Variants in UBR1 observed in about 807,000 individuals in gnomAD.
UBR1 encodes ubiquitin protein ligase E3 component n-recognin 1.
In UBR1, 102 loss-of-function variants were observed where a neutral mutation model predicts 242.1. That is an observed-to-expected ratio of 0.42 (90% CI 0.36 to 0.50). The LOEUF is 0.50. UBR1 is among the 20% of genes least tolerant of loss of function. The pLI, the probability that UBR1 is intolerant of heterozygous loss-of-function variation, is 0.01. For missense variants in UBR1, 1,772 were observed against 2,101.8 expected, an observed-to-expected ratio of 0.84 and a Z score of 3.07; for synonymous variants, 675 against 684.8, an observed-to-expected ratio of 0.99 and a Z score of 0.22.
At position 42,960,717 on chromosome 15, in the gene UBR1, A is replaced by G. The variant is rs1377619846; in HGVS notation, c.4701-16T>C. The G allele has an allele frequency of 1.2e-6, 2 of 1,613,488 alleles. No homozygotes were observed. The highest frequency in any genetic ancestry group is 1.7e-6 in the Non-Finnish European group (2 of 1,179,518). On this transcript the variant is annotated splice_polypyrimidine_tract_variant and intron_variant, in intron 42 of 46. Transcript: ENST00000290650. ...TGCACACCACCTGTATGTGGAGCCAAGAGAAAAGACAAATGGATTATCACA... is the reference window on the plus strand; with the variant it reads ...TGCACACCACCTGTATGTGGAGCCAGGAGAAAAGACAAATGGATTATCACA...
chr15:43,077,797 T>C (rs1007457394), intron 3 of UBR1, among the ~76,000 whole-genome samples: 3 of 152,126 alleles, frequency 2.0e-5, no homozygotes, highest in Non-Finnish European at 4.4e-5. Context: ...AACTTTATCC[T>C]TTCAGTGTTG....
At chr15:42,986,837 C>T (rs997174681) in intron 35 of UBR1, among the ~76,000 whole-genome samples, 1 of 152,212 alleles carries the variant, frequency 6.6e-6, no homozygotes, top group African/African-American at 2.4e-5. Flanking sequence ...GGACCATGGG[C>T]CAGCAAAGGG....
chr15:43,059,588 CAAAA>C (rs36021315), intron 8 of UBR1, 110 bp downstream of exon 8: 1,309 of 1,008,164 alleles, frequency 1.3e-3, no homozygotes, highest in Admixed American at 1.6e-3. Context: ...GTGTATAAAC[CAAAA>C]AAAAAAAAAA....
intron 11 of UBR1, among the ~76,000 whole-genome samples, chr15:43,055,389 G>A (rs2033604624): frequency 6.6e-6 from 1 of 151,984 alleles, no homozygotes; most frequent in African/African-American, 2.4e-5. Context: ...GTTGCAGTGA[G>A]CCGAGATCGT....
At chr15:42,946,009 G>A (rs1023086533) in intron 46 of UBR1, among the ~76,000 whole-genome samples, 12 of 152,336 alleles carry the variant, frequency 7.9e-5, no homozygotes, top group African/African-American at 2.6e-4. Context: ...TTTTAACACT[G>A]TATAACAGCT....
rs373918433 is a variant in UBR1, at chr15:43,048,682, C to T, written c.1440-191G>A. On this transcript the variant is annotated intron_variant, in intron 12 of 46. Coordinates refer to ENST00000290650, the MANE Select transcript of UBR1 (RefSeq NM_174916.3). ...AAATACAACCAGTAAAACATGAATG[C>T]TCTAGAAGAGGCAGATATCAAGCTA... 3.3e-5 allele frequency among the ~76,000 whole-genome samples: 5 copies of T among 152,242 alleles called. No individual in the cohort carries two copies. The East Asian group carries it at 9.6e-4, about 29-fold the overall frequency.
chr15:42,954,540 C>T (rs1030882394), intron 44 of UBR1, among the ~76,000 whole-genome samples: 2 of 152,034 alleles, frequency 1.3e-5, no homozygotes, highest in Non-Finnish European at 2.9e-5. Context: ...ATTCTCAGAG[C>T]GAGTCAAAGA....
chr15:43,006,106 G>GAAAAAAAAAAAAAAAAA (rs1235960946), intron 30 of UBR1, among the ~76,000 whole-genome samples: 1 of 111,472 alleles, frequency 9.0e-6, no homozygotes, highest in Non-Finnish European at 1.9e-5. Context: ...AAAAAAAAAA[G>GAAAAAAAAAAAAAAAAA]AAAAAAAAAA....
rs572528769 is a variant in UBR1, at chr15:43,013,232, T to G, written c.3209+2456A>C. Among the ~76,000 whole-genome samples the G allele has an allele frequency of 2.0e-5, 3 of 152,298 alleles. No individual in the cohort carries two copies. In the East Asian group the frequency reaches 5.8e-4, roughly 29 times the overall value. On this transcript the variant is annotated intron_variant, in intron 29 of 46. Coordinates refer to ENST00000290650, the MANE Select transcript of UBR1 (RefSeq NM_174916.3). ...CAACACATATTGTTTTAAACAGCAG[T>G]GAAAGCTTGTCTTTAAAAAGGGCCA...
chr15:43,049,096 G>A (rs2033521083), intron 12 of UBR1, among the ~76,000 whole-genome samples: 1 of 152,158 alleles, frequency 6.6e-6, no homozygotes, highest in Non-Finnish European at 1.5e-5. Flanking sequence ...GAGTTATCAG[G>A]AAGTAATTAT....
chr15:43,060,310 C>A (rs949426610), intron 6 of UBR1, among the ~76,000 whole-genome samples, 196 bp from the exon 7 acceptor site: 2 of 152,116 alleles, frequency 1.3e-5, no homozygotes, highest in African/African-American at 4.8e-5. Context: ...AACTTTAATA[C>A]CTCTAGGACA....
intron 4 of UBR1, among the ~76,000 whole-genome samples, 160 bp downstream of exon 4, chr15:43,074,819 C>T (rs756296538): frequency 6.6e-6 from 1 of 152,230 alleles, no homozygotes; most frequent in African/African-American, 2.4e-5. Context: ...ATTATCAAAT[C>T]CTTAGTTTCT....
Position 43,024,866 on chromosome 15 carries a change from G to T in UBR1, c.2702C>A (p.Thr901Lys). 2 of 1,614,148 alleles carry T rather than the reference G, an allele frequency of 1.2e-6. No homozygotes were observed. The highest frequency in any genetic ancestry group is 2.2e-5 in the South Asian group (2 of 91,084). Residue 901 changes from threonine to lysine, a missense_variant, in exon 25 of 47, where the codon ACA becomes AAA. This residue lies in a region of UBR1 where 965 missense variants were observed against 1,079.7 expected (regional missense o/e 0.89). Transcript: ENST00000290650. ...LRTVFERAIDTDSNLWTEGML... is the reference protein window; with the variant it reads ...LRTVFERAIDKDSNLWTEGML... ...CCCTTCGGTCCACAAGTTAGAATCT[G>T]TGTCTATTGCCCGCTCAAATACGGT...
Position 42,945,225 on chromosome 15 carries a change from A to G in UBR1, c.*104T>C. On this transcript the variant is annotated 3_prime_UTR_variant, in exon 47 of 47. Transcript: ENST00000290650. Reference sequence around the variant, plus strand: ...TGTAAGTGAACCTGGACATGGAGCAAAAGACCCTCCAATACTTTCCCAGCC... The same window carrying G: ...TGTAAGTGAACCTGGACATGGAGCAGAAGACCCTCCAATACTTTCCCAGCC... 6.6e-7 allele frequency: 1 copy of G among 1,515,648 alleles called. No homozygotes were observed. The highest frequency in any genetic ancestry group is 9.1e-7 in the Non-Finnish European group (1 of 1,100,346). 93.9% of individuals were successfully genotyped at this position (1,515,648 alleles called of 1,614,324 possible).
intron 19 of UBR1, among the ~76,000 whole-genome samples, chr15:43,033,340 G>A (rs990327639): frequency 1.6e-4 from 25 of 151,884 alleles, no homozygotes; most frequent in African/African-American, 5.8e-4. Context: ...GTGAAATCTC[G>A]TCTCCACTAA....
intron 19 of UBR1, among the ~76,000 whole-genome samples, chr15:43,033,534 G>A (rs143066208): frequency 1.3e-5 from 2 of 152,126 alleles, no homozygotes; most frequent in Non-Finnish European, 2.9e-5. Context: ...ATCCCAGCAC[G>A]CCTGTAATCC....
chr15:42,984,573 T>C (rs980092337), intron 36 of UBR1, among the ~76,000 whole-genome samples: 8 of 152,164 alleles, frequency 5.3e-5, no homozygotes, highest in African/African-American at 1.9e-4. Flanking sequence ...TGTTATATAA[T>C]GGTGTAAAAT....
At chr15:42,951,047 G>A (rs1401617927) in intron 45 of UBR1, among the ~76,000 whole-genome samples, 1 of 151,976 alleles carries the variant, frequency 6.6e-6, no homozygotes, top group Non-Finnish European at 1.5e-5. Flanking sequence ...CTTTCCCCTT[G>A]GTTCAAAAGA....
At chr15:43,052,110 G>C (rs1214934129) in intron 12 of UBR1, among the ~76,000 whole-genome samples, 2 of 152,128 alleles carry the variant, frequency 1.3e-5, no homozygotes, top group African/African-American at 4.8e-5. Flanking sequence ...CCTCCCTTCT[G>C]TGTTTTCCTA....
Sources: gnomAD v4.1 joint callset for allele counts (sites outside exome capture counted in the v4.1 genomes callset) on GRCh38, gnomAD v4.1.1 for gene constraint, gnomAD v4.1.1 regional missense constraint, MANE v1.5 for transcripts, NCBI Gene and HGNC (gene_info 2026-07-23, HGNC 2026-07-21) for gene names.